The following IMPA2 variants were observed in gnomAD, a reference collection of about 807,000 sequenced individuals.
The protein encoded by IMPA2 is IMP 2.
IMPA2 carries 32 observed loss-of-function variants against 35.1 expected under a neutral mutation model. That is an observed-to-expected ratio of 0.91 (90% CI 0.69 to 1.23). IMPA2 has a LOEUF of 1.23. Among genes scored for constraint, IMPA2 ranks in the 50% most tolerant of loss-of-function variants. The pLI, the probability that IMPA2 is intolerant of heterozygous loss-of-function variation, is 0.00. For missense variants in IMPA2, 334 were observed against 387.6 expected (o/e 0.86, Z 1.16); for synonymous variants, 135 against 160.6 (o/e 0.84, Z 1.20).
chr18:12,023,155 AT>A (rs1397634954), intron 5 of IMPA2, among the ~76,000 whole-genome samples: 4 of 152,056 alleles, frequency 2.6e-5, no homozygotes, highest in South Asian at 2.1e-4. Flanking sequence ...GAAGGAATTA[AT>A]TCAGGGTGGC....
intron 5 of IMPA2, among the ~76,000 whole-genome samples, chr18:12,016,699 G>A (rs995108310): frequency 2.0e-5 from 3 of 152,156 alleles, no homozygotes; most frequent in Non-Finnish European, 4.4e-5. Context: ...GCTTACAGGT[G>A]TGAGCCACCA....
intron 5 of IMPA2, among the ~76,000 whole-genome samples, chr18:12,019,001 A>G (rs939816911): frequency 3.3e-5 from 5 of 151,606 alleles, no homozygotes; most frequent in Non-Finnish European, 7.4e-5. Context: ...TTTAAAAAAT[A>G]TTTTTGTAGA....
At chr18:12,028,747 A>T (rs1907953312) in intron 6 of IMPA2, 95 bp from the exon 7 acceptor site, 1 of 1,399,086 alleles carries the variant, frequency 7.1e-7, no homozygotes, top group South Asian at 1.4e-5. Context: ...TCACTAGGGA[A>T]AATGCCCAGC....
chr18:12,030,305 G>A, intron 7 of IMPA2, 38 bp from the exon 8 acceptor site: 1 of 1,510,170 alleles, frequency 6.6e-7, no homozygotes, highest in East Asian at 2.3e-5. Flanking sequence ...AGCCCTCTCT[G>A]GTAACCCGGA....
chr18:12,015,684 T>C (rs1568035784), intron 5 of IMPA2, among the ~76,000 whole-genome samples: 1 of 152,234 alleles, frequency 6.6e-6, no homozygotes, highest in Non-Finnish European at 1.5e-5. Flanking sequence ...GGCCTTGGAA[T>C]GGCCTCTGGC....
At chr18:11,986,853 C>T (rs762647030) in intron 1 of IMPA2, among the ~76,000 whole-genome samples, 4 of 152,182 alleles carry the variant, frequency 2.6e-5, no homozygotes, top group Non-Finnish European at 2.9e-5. Context: ...TGGCCCTGCC[C>T]GTGTGGTTCT....
intron 4 of IMPA2, among the ~76,000 whole-genome samples, chr18:12,013,732 CAGTCGGG>C (rs1598699418): frequency 6.6e-6 from 1 of 152,200 alleles, no homozygotes; most frequent in East Asian, 1.9e-4. Context: ...TGATGTGGGG[CAGTCGGG>C]CCACTGTTCA....
intron 1 of IMPA2, among the ~76,000 whole-genome samples, chr18:11,984,345 G>A (rs1051577573): frequency 6.6e-6 from 1 of 152,222 alleles, no homozygotes; most frequent in Admixed American, 6.5e-5. Context: ...CTCCCTGGCT[G>A]TTGGGCTTTT....
chr18:12,014,644 C>G (rs903534222), intron 5 of IMPA2, among the ~76,000 whole-genome samples: 3 of 152,050 alleles, frequency 2.0e-5, no homozygotes, highest in Non-Finnish European at 4.4e-5. Context: ...GTCGCAGTCA[C>G]GATTTGGTTG....
Position 12,009,961 on chromosome 18 carries a change from C to T in IMPA2, c.309C>T (p.Ile103=), listed in dbSNP as rs199948159. 7 of 1,614,032 alleles carry T rather than the reference C, an allele frequency of 4.3e-6. No homozygotes were observed. The Admixed American group carries it at 5.0e-5, about 12-fold the overall frequency. The change falls in exon 3 of 8, where the codon ATC becomes ATT. Residue 103 remains isoleucine (I), a synonymous_variant. Coordinates refer to ENST00000269159, the MANE Select transcript of IMPA2 (RefSeq NM_014214.3). The stretch of plus-strand genomic sequence containing the variant: ...GCCCGACGTGGATCATCGACCCCAT[C>T]GACGGCACCTGCAATTTTGTGCACA... ...THSPTWIIDP[I]DGTCNFVHRF... is the part of the protein sequence containing the mutation.
chr18:11,996,096 C>T (rs191254402), intron 1 of IMPA2, among the ~76,000 whole-genome samples: 62 of 152,236 alleles, frequency 4.1e-4, no homozygotes, highest in African/African-American at 1.4e-3. Context: ...AAAACAAAAC[C>T]GACAGGAAGG....
chr18:12,011,748 G>A (rs1185915985), intron 3 of IMPA2, among the ~76,000 whole-genome samples: 1 of 152,236 alleles, frequency 6.6e-6, no homozygotes, highest in African/African-American at 2.4e-5. Flanking sequence ...GGTGAGCTGT[G>A]GCTCAGAACT....
chr18:11,985,138 ACT>A (rs1269812953), intron 1 of IMPA2, among the ~76,000 whole-genome samples: 3 of 134,836 alleles, frequency 2.2e-5, no homozygotes, highest in South Asian at 2.4e-4. Flanking sequence ...TAAGAGCGAA[ACT>A]CTGTCTCAAA....
chr18:11,989,280 T>A (rs1231197416), intron 1 of IMPA2, among the ~76,000 whole-genome samples: 19 of 152,198 alleles, frequency 1.2e-4, no homozygotes, highest in Admixed American at 1.1e-3. Context: ...TCTTCCTGCC[T>A]GGGCTGAGCG....
intron 5 of IMPA2, among the ~76,000 whole-genome samples, 172 bp downstream of exon 5, chr18:12,014,545 A>T (rs1907525483): frequency 6.6e-6 from 1 of 151,890 alleles, no homozygotes; most frequent in African/African-American, 2.4e-5. Flanking sequence ...TCTGTATGTT[A>T]GTGTTTTTGT....
intron 2 of IMPA2, among the ~76,000 whole-genome samples, chr18:12,008,881 G>A (rs571224602): frequency 6.6e-6 from 1 of 152,164 alleles, no homozygotes; most frequent in African/African-American, 2.4e-5. Flanking sequence ...TTTGCAGAGG[G>A]ACTCATTACA....
intron 5 of IMPA2, among the ~76,000 whole-genome samples, chr18:12,023,480 A>G (rs1907792641): frequency 6.6e-6 from 1 of 152,162 alleles, no homozygotes; most frequent in Non-Finnish European, 1.5e-5. Context: ...GAAATACCCC[A>G]GGGCACTTGG....
intron 1 of IMPA2, among the ~76,000 whole-genome samples, chr18:11,994,642 T>A (rs2143784822): frequency 6.6e-6 from 1 of 152,300 alleles, no homozygotes; most frequent in East Asian, 1.9e-4. Flanking sequence ...TCTTCTAGCA[T>A]TTAGTTAACT....
At chr18:12,019,710 C>T (rs901351230) in intron 5 of IMPA2, among the ~76,000 whole-genome samples, 3 of 151,842 alleles carry the variant, frequency 2.0e-5, no homozygotes, top group African/African-American at 4.8e-5. Context: ...ATGTATTGGT[C>T]GTTTGGGAAA....
Sources: allele counts gnomAD v4.1 joint callset (sites outside exome capture counted in the v4.1 genomes callset), GRCh38; gene constraint gnomAD v4.1.1; transcripts MANE v1.5; gene names NCBI Gene and HGNC (gene_info 2026-07-23, HGNC 2026-07-21).